Variants in MREG observed in about 807,000 individuals in gnomAD.
MREG encodes the protein melanoregulin, also known as dilute suppressor protein homolog.
A neutral mutation model predicts 28.5 loss-of-function variants in MREG; 31 were observed. The observed-to-expected ratio is 1.09, with a 90% CI of 0.82 to 1.47. The LOEUF is 1.47. Ranked by LOEUF, MREG falls within the 40% of genes most tolerant of loss-of-function variation. The pLI is 0.00. For missense variants in MREG, 256 were observed against 257.4 expected, an observed-to-expected ratio of 0.99 and a Z score of 0.04; for synonymous variants, 106 against 95.2, an observed-to-expected ratio of 1.11 and a Z score of -0.66.
At chr2:216,002,813 CTCTTT>C (rs1249444956) in intron 1 of MREG, among the ~76,000 whole-genome samples, 1 of 145,110 alleles carries the variant, frequency 6.9e-6, no homozygotes, top group Non-Finnish European at 1.5e-5. Context: ...TCTCCCTCTC[CTCTTT>C]TCTTTCTTTT....
rs761463987 is a variant in MREG, at chr2:215,942,780, G to A, written c.*2083C>T. On this transcript the variant is annotated 3_prime_UTR_variant, in exon 5 of 5. Transcript: ENST00000263268. ...AAGGCAAAATACAAATTCTGAGACCGAGAGTAAAACAATACGACATCCTTA... is the reference window on the plus strand; with the variant it reads ...AAGGCAAAATACAAATTCTGAGACCAAGAGTAAAACAATACGACATCCTTA... The A allele has an allele frequency of 6.6e-6, 1 of 152,594 alleles. No individual in the cohort carries two copies. The highest frequency in any genetic ancestry group is 6.5e-5 in the Admixed American group (1 of 15,274). 9.5% of individuals were successfully genotyped at this position (152,594 alleles called of 1,614,324 possible). A position where few individuals can be genotyped will look rare whatever the true frequency, so the allele number is the denominator to read the frequency against.
intron 2 of MREG, among the ~76,000 whole-genome samples, chr2:215,959,664 ACCTTTCTGGTCTTGTTC>A (rs1220219577): frequency 2.0e-5 from 3 of 152,160 alleles, no homozygotes; most frequent in Non-Finnish European, 4.4e-5. Context: ...CCATGATCTG[ACCTTTCTGGTCTTGTTC>A]CCAATGACAG....
At chr2:216,022,325 A>G (rs961743469) in intron 1 of MREG, among the ~76,000 whole-genome samples, 2 of 152,136 alleles carry the variant, frequency 1.3e-5, no homozygotes, top group Non-Finnish European at 2.9e-5. Flanking sequence ...TATGGAACTC[A>G]AATGTTCTGT....
Position 215,943,535 on chromosome 2 carries a change from A to G in MREG, c.*1328T>C, listed in dbSNP as rs1692234512. The G allele has an allele frequency of 2.2e-6, 1 of 456,162 alleles. No homozygotes were observed. Among genetic ancestry groups the G allele is most frequent in the Non-Finnish European group, 4.4e-6 (1 of 226,688 alleles). The allele number at this position is 456,162 out of a possible 1,614,324, so 28.3% of individuals were successfully genotyped here. Reference sequence around the variant, plus strand: ...TCAAACACTTCAGTTTACAGATGCTATTCCAGATAAAATGCCAAGGGCTTG... The same window carrying G: ...TCAAACACTTCAGTTTACAGATGCTGTTCCAGATAAAATGCCAAGGGCTTG... On this transcript the variant is annotated 3_prime_UTR_variant, in exon 5 of 5. Coordinates refer to ENST00000263268, the MANE Select transcript of MREG (RefSeq NM_018000.3).
intron 2 of MREG, among the ~76,000 whole-genome samples, chr2:215,993,516 G>C (rs1377355081): frequency 6.6e-6 from 1 of 152,156 alleles, no homozygotes; most frequent in Non-Finnish European, 1.5e-5. Context: ...CATGGGCAAA[G>C]ACTTCATGAA....
At chr2:215,972,765 T>G (rs1693139518) in intron 2 of MREG, among the ~76,000 whole-genome samples, 1 of 152,188 alleles carries the variant, frequency 6.6e-6, no homozygotes, top group African/African-American at 2.4e-5. Context: ...CCATTATACC[T>G]CAATAAAATT....
upstream of MREG, among the ~76,000 whole-genome samples, chr2:216,015,887 G>A (rs1694442170): frequency 6.6e-6 from 1 of 152,202 alleles, no homozygotes; most frequent in South Asian, 2.1e-4. Context: ...GAGTGTGGGA[G>A]GAGCCGGTTT....
chr2:215,947,132 T>A lies in MREG; in HGVS notation c.256-19A>T. Reference sequence around the variant, plus strand: ...GCCACTCCTGCAGGAAAATAAAAGTTTAGTTTTATTTATACCCCTTGGCTT... The same window carrying A: ...GCCACTCCTGCAGGAAAATAAAAGTATAGTTTTATTTATACCCCTTGGCTT... On this transcript the variant is annotated intron_variant, in intron 2 of 4. Transcript: ENST00000263268. The A allele has an allele frequency of 1.3e-6, 2 of 1,529,604 alleles. No individual in the cohort carries two copies. Among genetic ancestry groups the A allele is most frequent in the Non-Finnish European group, 1.8e-6 (2 of 1,108,438 alleles). The allele number at this position is 1,529,604 out of a possible 1,614,324, so 94.8% of individuals were successfully genotyped here.
chr2:215,995,074 G>A (rs1574637793), intron 2 of MREG, among the ~76,000 whole-genome samples: 6 of 152,278 alleles, frequency 3.9e-5, no homozygotes, highest in Admixed American at 2.0e-4. Flanking sequence ...ACAAGGCCAC[G>A]CATTCCCAAT....
At chr2:216,000,693 A>C (rs928982942) in intron 1 of MREG, among the ~76,000 whole-genome samples, 1 of 152,178 alleles carries the variant, frequency 6.6e-6, no homozygotes, top group Admixed American at 6.5e-5. Flanking sequence ...GCAGGGTCCT[A>C]GGACACAGCA....
chr2:215,958,000 G>A (rs569228933), intron 2 of MREG, among the ~76,000 whole-genome samples: 17 of 151,436 alleles, frequency 1.1e-4, no homozygotes, highest in Non-Finnish European at 1.3e-4. Flanking sequence ...GCAAACTATC[G>A]CAAGGACAAA....
At chr2:216,019,155 G>T (rs1694486565) in intron 1 of MREG, among the ~76,000 whole-genome samples, 1 of 152,128 alleles carries the variant, frequency 6.6e-6, no homozygotes, top group Non-Finnish European at 1.5e-5. Context: ...CATTCTATGG[G>T]TTACTCCATA....
upstream of MREG, chr2:216,032,975 T>G (rs1005794093): frequency 6.6e-6 from 1 of 152,238 alleles, no homozygotes; most frequent in Non-Finnish European, 1.5e-5. Context: ...GACGGGCTGG[T>G]GTTCCACAAC....
At chr2:215,945,759 A>G in intron 3 of MREG, 25 bp from the exon 4 acceptor site, 1 of 1,601,590 alleles carries the variant, frequency 6.2e-7, no homozygotes, top group Non-Finnish European at 8.5e-7. Flanking sequence ...TGGACCACTC[A>G]TGTAAAGTAG....
intron 2 of MREG, among the ~76,000 whole-genome samples, chr2:215,989,800 T>C (rs1419312269): frequency 1.3e-5 from 2 of 151,440 alleles, no homozygotes; most frequent in African/African-American, 2.4e-5. Context: ...ATATCAGAGA[T>C]TGAAGATCAA....
At chr2:216,033,927 T>C (rs914574690), upstream of MREG, 6 of 152,208 alleles carry the variant, frequency 3.9e-5, no homozygotes, top group African/African-American at 9.6e-5. Flanking sequence ...TCTTAAAACA[T>C]GGGCTCAGTA....
At chr2:215,983,932 C>G (rs13026196) in intron 2 of MREG, among the ~76,000 whole-genome samples, 27,169 of 152,120 alleles carry the variant, frequency 0.18, 2,635 homozygotes, top group East Asian at 0.39. Flanking sequence ...AGTTTTTGAA[C>G]CAAAACAGTA....
chr2:216,022,879 G>A (rs1694546403), intron 1 of MREG, among the ~76,000 whole-genome samples: 1 of 152,174 alleles, frequency 6.6e-6, no homozygotes, highest in African/African-American at 2.4e-5. Flanking sequence ...TGCAAAATAG[G>A]AGAAAATATG....
intron 2 of MREG, among the ~76,000 whole-genome samples, chr2:215,987,711 T>C (rs1186042439): frequency 6.6e-6 from 1 of 151,992 alleles, no homozygotes; most frequent in East Asian, 1.9e-4. Context: ...TGAAACCCCG[T>C]CTCCACTAAA....
Sources: gnomAD v4.1 joint callset for allele counts (sites outside exome capture counted in the v4.1 genomes callset) on GRCh38, gnomAD v4.1.1 for gene constraint, MANE v1.5 for transcripts, NCBI Gene and HGNC (gene_info 2026-07-23, HGNC 2026-07-21) for gene names.